ABCC1: variants seen among roughly 807,000 people sequenced by gnomAD.
ABCC1 encodes the protein multidrug resistance-associated protein 1.
In ABCC1, 83 loss-of-function variants were observed where a neutral mutation model predicts 172.9. The observed-to-expected ratio is 0.48, with a 90% CI of 0.40 to 0.58. ABCC1 has a LOEUF of 0.58. Among genes scored for constraint, ABCC1 ranks in the 20% least tolerant of loss-of-function variants. The pLI is 0.00. For missense variants in ABCC1, 1,817 were observed against 2,002.7 expected (o/e 0.91, Z 1.77); for synonymous variants, 937 against 825.2 (o/e 1.14, Z -2.32).
intron 3 of ABCC1, 81 bp from the exon 4 acceptor site, chr16:16,014,410 G>T: frequency 6.6e-7 from 1 of 1,509,312 alleles, no homozygotes. Context: ...TTGCACCACT[G>T]CGCTCCAGCC....
At chr16:16,132,347 A>T (rs2045715894) in intron 27 of ABCC1, among the ~76,000 whole-genome samples, 1 of 148,498 alleles carries the variant, frequency 6.7e-6, no homozygotes. Flanking sequence ...TAATTTTTGT[A>T]TTTTTTGTAG....
rs76497955 is a variant in ABCC1, at chr16:16,068,654, A to C, written c.1824+352A>C. ...TCTTGTCTGACTTGATTGATTTTAC[A>C]ACCCACTGATAGGTCTTGACCACCC... On this transcript the variant is annotated intron_variant, in intron 13 of 30. Transcript: ENST00000399410. Among the ~76,000 whole-genome samples, 1,401 of 152,186 alleles carry C rather than the reference A, an allele frequency of 9.2e-3. 8 individuals are homozygous for C. The highest frequency in any genetic ancestry group is 0.016 in the Non-Finnish European group (1,079 of 68,014).
chr16:16,027,851 T>C (rs1448316607), intron 5 of ABCC1, among the ~76,000 whole-genome samples: 4 of 152,198 alleles, frequency 2.6e-5, no homozygotes, highest in African/African-American at 9.6e-5. Context: ...TGTTTCCATA[T>C]ACCAGAGGCT....
chr16:16,100,249 G>A (rs2051667367), intron 19 of ABCC1, among the ~76,000 whole-genome samples: 2 of 152,188 alleles, frequency 1.3e-5, no homozygotes, highest in African/African-American at 4.8e-5. Context: ...GCCTTAGCGA[G>A]CACTGCATGC....
Position 16,086,947 on chromosome 16 carries a change from A to G in ABCC1, c.2416A>G (p.Ile806Val). The G allele has an allele frequency of 2.5e-6, 4 of 1,614,236 alleles. No homozygotes were observed. The highest frequency in any genetic ancestry group is 3.4e-6 in the Non-Finnish European group (4 of 1,180,044). ...AGTGGATGCCCATGTGGGAAAACAC[A>G]TCTTTGAAAATGTGATTGGCCCCAA... is the stretch of plus-strand genomic sequence containing the variant. ...SAVDAHVGKH[I>V]FENVIGPKGM... is the part of the protein sequence containing the mutation. The change falls in exon 18 of 31, where the codon ATC (isoleucine) becomes GTC (valine). Residue 806 changes from isoleucine to valine, a missense_variant. Ile to Val is a conservative substitution (Grantham distance 29, BLOSUM62 3). Transcript: ENST00000399410.
intron 3 of ABCC1, among the ~76,000 whole-genome samples, chr16:16,012,757 A>ACTGCAACCTCTGCCTCC (rs1381808806): frequency 6.7e-6 from 1 of 148,734 alleles, no homozygotes; most frequent in Non-Finnish European, 1.5e-5. Flanking sequence ...ATCTTGGCTC[A>ACTGCAACCTCTGCCTCC]CTGCAACCTC....
intron 1 of ABCC1, among the ~76,000 whole-genome samples, chr16:15,975,116 C>T (rs553493543): frequency 1.3e-5 from 2 of 152,258 alleles, no homozygotes; most frequent in East Asian, 1.9e-4. Flanking sequence ...CACAGCTCTT[C>T]GGCAGTCAGA....
chr16:16,079,303 G>A (rs561970795), intron 15 of ABCC1, 49 bp from the exon 16 acceptor site: 177 of 1,604,078 alleles, frequency 1.1e-4, no homozygotes, highest in African/African-American at 5.5e-4. Context: ...GCATTAGCCC[G>A]GCAGGCCTCA....
At position 16,142,914 on chromosome 16, in the gene ABCC1, TTAGGCGAAAACGCA is replaced by T. The variant is rs1332127098; in HGVS notation, c.*1636_*1649del. On this transcript the variant is annotated 3_prime_UTR_variant, in exon 31 of 31. Coordinates refer to ENST00000399410, the MANE Select transcript of ABCC1 (RefSeq NM_004996.4). ...TTCAAACCCAGAGAGCATCTTTCTT[TTAGGCGAAAACGCA>T]TATATTTATTTTTTGTAAGTTATAC... is the stretch of plus-strand genomic sequence containing the variant. 6.6e-6 allele frequency: 1 copy of T among 152,604 alleles called. No individual in the cohort carries two copies. The highest frequency in any genetic ancestry group is 1.5e-5 in the Non-Finnish European group (1 of 68,032). 9.5% of individuals were successfully genotyped at this position (152,604 alleles called of 1,614,324 possible).
At chr16:15,950,766 CT>C (rs1398201167) in intron 1 of ABCC1, among the ~76,000 whole-genome samples, 1 of 152,138 alleles carries the variant, frequency 6.6e-6, no homozygotes, top group African/African-American at 2.4e-5. Context: ...TCTCTCTCCT[CT>C]TTTGTTTAGG....
intron 4 of ABCC1, 32 bp from the exon 5 acceptor site, chr16:16,016,464 A>C: frequency 2.5e-6 from 4 of 1,612,962 alleles, no homozygotes; most frequent in Non-Finnish European, 3.4e-6. Flanking sequence ...CCAGAATGTG[A>C]TCTTTTTCTT....
rs540895965 is a variant in ABCC1, at chr16:15,992,469, G to A, written c.49-15347G>A. ...GGCTGGAGTGCAGTGGCACAATCTC[G>A]GCTCACTGCAGCCTCTGCCTCCCAG... is the stretch of plus-strand genomic sequence containing the variant. On this transcript the variant is annotated intron_variant, in intron 1 of 30. Coordinates refer to ENST00000399410, the MANE Select transcript of ABCC1 (RefSeq NM_004996.4). Among the ~76,000 whole-genome samples the A allele has an allele frequency of 3.6e-3, 547 of 151,616 alleles. 2 individuals carry two copies. The highest frequency in any genetic ancestry group is 0.017 in the Middle Eastern group (5 of 294).
chr16:16,139,896 T>G (rs1185479607), intron 30 of ABCC1, among the ~76,000 whole-genome samples: 1 of 152,220 alleles, frequency 6.6e-6, no homozygotes, highest in Non-Finnish European at 1.5e-5. Context: ...AACCTTGTTC[T>G]TAAGGGCCGG....
intron 20 of ABCC1, among the ~76,000 whole-genome samples, chr16:16,103,686 A>C (rs961124704): frequency 6.6e-6 from 1 of 152,226 alleles, no homozygotes; most frequent in Admixed American, 6.5e-5. Context: ...GAGATCTGAG[A>C]AAGGATCCCG....
chr16:16,015,373 C>T (rs566150232), intron 4 of ABCC1, among the ~76,000 whole-genome samples: 146 of 152,208 alleles, frequency 9.6e-4, no homozygotes, highest in Non-Finnish European at 1.3e-3. Context: ...CACTTGACTT[C>T]GTGATCCACC....
At chr16:16,061,923 A>C (rs2049934234) in intron 12 of ABCC1, among the ~76,000 whole-genome samples, 1 of 151,758 alleles carries the variant, frequency 6.6e-6, no homozygotes, top group Non-Finnish European at 1.5e-5. Context: ...ACAAGCATGC[A>C]CCACCATGCC....
intron 5 of ABCC1, among the ~76,000 whole-genome samples, chr16:16,031,874 C>T (rs901760571): frequency 6.7e-6 from 1 of 148,166 alleles, no homozygotes; most frequent in Admixed American, 6.9e-5. Context: ...TCATTTGATG[C>T]ATGTCTCTCT....
chr16:16,044,041 G>T (rs2049095716), intron 7 of ABCC1, among the ~76,000 whole-genome samples: 1 of 152,200 alleles, frequency 6.6e-6, no homozygotes, highest in Non-Finnish European at 1.5e-5. Flanking sequence ...TTTCTACCTG[G>T]CAGCCAGCTG....
intron 1 of ABCC1, among the ~76,000 whole-genome samples, chr16:15,977,941 G>T (rs2046529914): frequency 6.6e-6 from 1 of 152,138 alleles, no homozygotes; most frequent in Admixed American, 6.6e-5. Context: ...TTTACAGGCT[G>T]TACAACCTTG....
Sources: allele counts gnomAD v4.1 joint callset (sites outside exome capture counted in the v4.1 genomes callset), GRCh38; gene constraint gnomAD v4.1.1; transcripts MANE v1.5; gene names NCBI Gene and HGNC (gene_info 2026-07-23, HGNC 2026-07-21).